The following WDPCP variants were observed in gnomAD, a reference collection of about 807,000 sequenced individuals.
WDPCP encodes the protein WD repeat-containing and planar cell polarity effector protein fritz homolog.
A neutral mutation model predicts 93.1 loss-of-function variants in WDPCP; 71 were observed. The observed-to-expected ratio is 0.76, with a 90% CI of 0.63 to 0.93. The LOEUF is 0.93. Ranked by LOEUF, WDPCP falls within the 40% of genes least tolerant of loss-of-function variation. The pLI is 0.00. For synonymous variants in WDPCP, 315 were observed against 315.0 expected, an observed-to-expected ratio of 1.00 and a Z score of 0.00; for missense variants, 844 against 887.4, an observed-to-expected ratio of 0.95 and a Z score of 0.62.
chr2:63,434,995 T>A (rs1697041325), intron 8 of WDPCP, among the ~76,000 whole-genome samples: 1 of 152,118 alleles, frequency 6.6e-6, no homozygotes. Context: ...GCTTTAATAA[T>A]CCTCTGCTAT....
intron 1 of WDPCP, among the ~76,000 whole-genome samples, chr2:63,539,861 A>G (rs190122719): frequency 6.6e-6 from 1 of 152,328 alleles, no homozygotes; most frequent in African/African-American, 2.4e-5. Flanking sequence ...GGATGAGTAG[A>G]TAAATAATAA....
intron 13 of WDPCP, among the ~76,000 whole-genome samples, chr2:63,261,607 T>G (rs1482641729): frequency 1.3e-5 from 2 of 152,210 alleles, no homozygotes; most frequent in African/African-American, 2.4e-5. Flanking sequence ...CAAATCCAAT[T>G]AAGTGAAGTG....
the WDPCP span, among the ~76,000 whole-genome samples, chr2:63,840,140 C>T: frequency 6.6e-6 from 1 of 152,218 alleles, no homozygotes; most frequent in African/African-American, 2.4e-5. Context: ...AAATCATCTG[C>T]CCTGGTGCGG....
At chr2:63,375,209 G>C (rs1691749310) in intron 12 of WDPCP, among the ~76,000 whole-genome samples, 1 of 151,828 alleles carries the variant, frequency 6.6e-6, no homozygotes, top group Non-Finnish European at 1.5e-5. Context: ...TCCTACTATA[G>C]TTTCTATTTG....
At position 63,595,467 on chromosome 2, in the gene WDPCP, C is replaced by G. The variant is rs1249610184; in HGVS notation, n.488+55192G>C. ...TGGATATCACCCCCATGATGGGTGTCCTGGACGGTGTCCTAATGGAACTGC... is the reference window on the plus strand; with the variant it reads ...TGGATATCACCCCCATGATGGGTGTGCTGGACGGTGTCCTAATGGAACTGC... On this transcript the variant is annotated intron_variant and non_coding_transcript_variant, in intron 3 of 4. Transcript: ENST00000467687. 6 of 1,613,566 alleles carry G rather than the reference C, an allele frequency of 3.7e-6. No individual in the cohort carries two copies. In the South Asian group the frequency reaches 4.4e-5, roughly 12 times the overall value.
intron 6 of WDPCP, among the ~76,000 whole-genome samples, chr2:63,458,458 C>G (rs544421650): frequency 2.0e-5 from 3 of 151,542 alleles, no homozygotes; most frequent in African/African-American, 7.3e-5. Context: ...ATGAACTAGG[C>G]GAGAAAGAAA....
intron 13 of WDPCP, among the ~76,000 whole-genome samples, chr2:63,281,500 G>C (rs1683541945): frequency 6.6e-6 from 1 of 152,070 alleles, no homozygotes; most frequent in Admixed American, 6.6e-5. Context: ...AGGAAAAGAA[G>C]TCATTATACA....
intron 14 of WDPCP, among the ~76,000 whole-genome samples, chr2:63,194,312 GA>G (rs202234383): frequency 6.0e-5 from 9 of 150,344 alleles, no homozygotes; most frequent in East Asian, 5.8e-4. Context: ...AAGAAAGAAA[GA>G]AAAAAAAATA....
intron 1 of WDPCP, among the ~76,000 whole-genome samples, chr2:63,496,323 C>G (rs149193657): frequency 4.5e-4 from 69 of 152,320 alleles, no homozygotes; most frequent in African/African-American, 1.6e-3. Flanking sequence ...CTCCTGATAA[C>G]AGAACTGGAG....
chr2:63,815,678 G>T (rs1056685898), intron 1 of WDPCP, among the ~76,000 whole-genome samples: 1 of 152,146 alleles, frequency 6.6e-6, no homozygotes, highest in Non-Finnish European at 1.5e-5. Flanking sequence ...AAGGGTGGGA[G>T]GGCAGCCCAG....
intron 3 of WDPCP, among the ~76,000 whole-genome samples, chr2:63,628,047 C>T (rs920676226): frequency 1.3e-5 from 2 of 152,170 alleles, no homozygotes; most frequent in African/African-American, 2.4e-5. Flanking sequence ...TGGATCCTGC[C>T]GCGAGGACTC....
intron 6 of WDPCP, among the ~76,000 whole-genome samples, chr2:63,475,575 A>G (rs1699927356): frequency 6.6e-6 from 1 of 152,118 alleles, no homozygotes; most frequent in Non-Finnish European, 1.5e-5. Flanking sequence ...TAACATAAAG[A>G]TGGGTTTCTT....
intron 3 of WDPCP, among the ~76,000 whole-genome samples, chr2:63,619,583 A>G (rs1457433446): frequency 2.0e-5 from 3 of 152,122 alleles, no homozygotes; most frequent in Non-Finnish European, 2.9e-5. Context: ...AAGCACCTGA[A>G]AAAAAGGATC....
At chr2:63,584,197 A>G (rs954053758) in intron 1 of WDPCP, among the ~76,000 whole-genome samples, 1 of 151,992 alleles carries the variant, frequency 6.6e-6, no homozygotes, top group Non-Finnish European at 1.5e-5. Flanking sequence ...ATACTAACAC[A>G]GCTTAAAAAG....
At chr2:63,322,761 T>C (rs1687218441) in intron 12 of WDPCP, among the ~76,000 whole-genome samples, 7 of 152,084 alleles carry the variant, frequency 4.6e-5, no homozygotes, top group Admixed American at 4.6e-4. Flanking sequence ...TCCAGACACA[T>C]TTTGGCGACC....
At chr2:63,479,501 T>C (rs1700147578) in intron 6 of WDPCP, among the ~76,000 whole-genome samples, 1 of 152,186 alleles carries the variant, frequency 6.6e-6, no homozygotes, top group Admixed American at 6.5e-5. Context: ...GCAAGTGGGT[T>C]TCATACCAGG....
At chr2:63,642,177 A>C (rs1333016141) in intron 3 of WDPCP, among the ~76,000 whole-genome samples, 2 of 151,952 alleles carry the variant, frequency 1.3e-5, no homozygotes, top group South Asian at 2.1e-4. Context: ...TGTTTTGTTT[A>C]CTATAGCGCT....
In WDPCP at chr2:63,258,842, A is replaced by G. The variant is rs11884605; in HGVS notation, c.1915+465T>C. Reference sequence around the variant, plus strand: ...TCTGATCTGTCTTCTTCAGAATACTATGGTTTAAAATGATTCTAGCAGCTT... The same window carrying G: ...TCTGATCTGTCTTCTTCAGAATACTGTGGTTTAAAATGATTCTAGCAGCTT... On this transcript the variant is annotated intron_variant, in intron 14 of 17. Coordinates refer to ENST00000272321, the MANE Select transcript of WDPCP (RefSeq NM_015910.7). Among the ~76,000 whole-genome samples the G allele has an allele frequency of 2.0e-3, 303 of 152,294 alleles. 1 individual carries two copies. Among genetic ancestry groups the G allele is most frequent in the African/African-American group, 5.7e-3 (239 of 41,566 alleles).
At chr2:63,546,835 C>T (rs761680018) in intron 1 of WDPCP, among the ~76,000 whole-genome samples, 3 of 151,456 alleles carry the variant, frequency 2.0e-5, no homozygotes, top group African/African-American at 4.9e-5. Context: ...GAATCAGGCA[C>T]AGAAAATAAA....
Sources: gnomAD v4.1 joint callset for allele counts (sites outside exome capture counted in the v4.1 genomes callset) on GRCh38, gnomAD v4.1.1 for gene constraint, MANE v1.5 for transcripts, NCBI Gene and HGNC (gene_info 2026-07-23, HGNC 2026-07-21) for gene names.